CNTNAP2: variants seen among roughly 807,000 people sequenced by gnomAD.
CNTNAP2 encodes the protein contactin-associated protein-like 2.
CNTNAP2 carries 98 observed loss-of-function variants against 155.2 expected under a neutral mutation model. That is an observed-to-expected ratio of 0.63 (90% CI 0.54 to 0.75). The LOEUF is 0.75. Ranked by LOEUF, CNTNAP2 falls within the 30% of genes least tolerant of loss-of-function variation. The pLI is 0.00. For missense variants in CNTNAP2, 1,727 were observed against 1,688.1 expected, an observed-to-expected ratio of 1.02 and a Z score of -0.40; for synonymous variants, 651 against 631.2, an observed-to-expected ratio of 1.03 and a Z score of -0.47.
intron 12 of CNTNAP2, among the ~76,000 whole-genome samples, chr7:147,625,436 G>A (rs996672613): frequency 6.6e-6 from 1 of 152,170 alleles, no homozygotes; most frequent in East Asian, 1.9e-4. Flanking sequence ...TTCCAAAGGA[G>A]TTATTGCAAT....
In CNTNAP2 at chr7:146,714,107, T is replaced by C. The variant is rs139634107; in HGVS notation, c.98-60164T>C. ...TCTCTGCCTGACTCACCCTTTAAGA[T>C]ACATCTCATATAGAAACTCCACATG... On this transcript the variant is annotated intron_variant, in intron 1 of 23. Transcript: ENST00000361727. Among the ~76,000 whole-genome samples the C allele has an allele frequency of 1.2e-3, 179 of 152,242 alleles. 1 individual carries two copies. Among genetic ancestry groups the C allele is most frequent in the African/African-American group, 4.0e-3 (167 of 41,548 alleles).
At chr7:148,109,543 C>G (rs1377726927) in intron 15 of CNTNAP2, among the ~76,000 whole-genome samples, 1 of 152,132 alleles carries the variant, frequency 6.6e-6, no homozygotes, top group South Asian at 2.1e-4. Context: ...CACCATCATG[C>G]CTGGCTAACT....
intron 1 of CNTNAP2, among the ~76,000 whole-genome samples, chr7:146,412,059 T>C (rs1016678829): frequency 2.0e-5 from 3 of 152,060 alleles, no homozygotes; most frequent in African/African-American, 4.8e-5. Flanking sequence ...TCTTGATCTC[T>C]TGACCTCCAG....
chr7:146,425,584 C>G (rs796586936), intron 1 of CNTNAP2, among the ~76,000 whole-genome samples: 24 of 152,224 alleles, frequency 1.6e-4, no homozygotes, highest in African/African-American at 5.5e-4. Flanking sequence ...ACTTTGCTTT[C>G]CTAAGCTAAG....
At chr7:146,933,032 A>C (rs1036221004) in intron 3 of CNTNAP2, among the ~76,000 whole-genome samples, 3 of 152,170 alleles carry the variant, frequency 2.0e-5, no homozygotes, top group African/African-American at 7.2e-5. Flanking sequence ...TTATAGATTC[A>C]ATGCCATCCC....
chr7:147,274,153 A>G (rs1302755532), intron 8 of CNTNAP2, among the ~76,000 whole-genome samples: 1 of 152,020 alleles, frequency 6.6e-6, no homozygotes, highest in Non-Finnish European at 1.5e-5. Context: ...TGTGATCAAC[A>G]TATGAGTGTT....
At chr7:146,972,557 TAAAC>T (rs1165894047) in intron 3 of CNTNAP2, among the ~76,000 whole-genome samples, 3 of 152,130 alleles carry the variant, frequency 2.0e-5, no homozygotes, top group Non-Finnish European at 4.4e-5. Context: ...TAATTTAAAA[TAAAC>T]AATAATGATG....
intron 4 of CNTNAP2, among the ~76,000 whole-genome samples, chr7:147,067,336 CT>C (rs1269322322): frequency 6.6e-6 from 1 of 151,156 alleles, no homozygotes; most frequent in Non-Finnish European, 1.5e-5. Flanking sequence ...TTCATAAGGC[CT>C]CCACCCTCAT....
intron 12 of CNTNAP2, among the ~76,000 whole-genome samples, chr7:147,597,216 A>G (rs1800841142): frequency 6.6e-6 from 1 of 152,112 alleles, no homozygotes; most frequent in Non-Finnish European, 1.5e-5. Flanking sequence ...GAGATCCAAG[A>G]ATCCTCTCTT....
chr7:148,267,841 A>G (rs1286430393), intron 21 of CNTNAP2, among the ~76,000 whole-genome samples: 1 of 152,146 alleles, frequency 6.6e-6, no homozygotes, highest in Non-Finnish European at 1.5e-5. Flanking sequence ...ACCTCTACCT[A>G]CTAGCAATAT....
At chr7:146,468,771 G>C (rs1341631816) in intron 1 of CNTNAP2, among the ~76,000 whole-genome samples, 1 of 152,070 alleles carries the variant, frequency 6.6e-6, no homozygotes, top group Admixed American at 6.5e-5. Context: ...TCCTCAGTAA[G>C]AATAAATAGT....
chr7:147,632,897 A>T (rs1795111343), intron 12 of CNTNAP2, among the ~76,000 whole-genome samples: 1 of 152,224 alleles, frequency 6.6e-6, no homozygotes, highest in Non-Finnish European at 1.5e-5. Context: ...CTGGAGTAAA[A>T]GTGACTCTTG....
At chr7:148,331,742 T>TGGAGTGGATGGATGGAATGGAC (rs1798025647) in intron 21 of CNTNAP2, among the ~76,000 whole-genome samples, 1 of 4,032 alleles carries the variant, frequency 2.5e-4, no homozygotes, top group Non-Finnish European at 7.5e-4. Flanking sequence ...ATGGAGTGGA[T>TGGAGTGGATGGATGGAATGGAC]GGATGGAACG....
intron 1 of CNTNAP2, among the ~76,000 whole-genome samples, chr7:146,477,109 A>G (rs1189565315): frequency 2.0e-5 from 3 of 152,184 alleles, no homozygotes; most frequent in Non-Finnish European, 2.9e-5. Flanking sequence ...AAAGTTTTCA[A>G]TTAGTTAATA....
intron 3 of CNTNAP2, among the ~76,000 whole-genome samples, chr7:147,002,761 A>C (rs1798447864): frequency 6.6e-6 from 1 of 151,802 alleles, no homozygotes; most frequent in Non-Finnish European, 1.5e-5. Flanking sequence ...ATGTGGAAGA[A>C]TCTAACTTGC....
chr7:147,479,516 TTTC>T (rs1798384411), intron 10 of CNTNAP2, among the ~76,000 whole-genome samples: 1 of 152,194 alleles, frequency 6.6e-6, no homozygotes, highest in Non-Finnish European at 1.5e-5. Context: ...TGCAGGTTCT[TTTC>T]CTGTGGGCCA....
At chr7:146,182,238 C>A (rs1307712121) in intron 1 of CNTNAP2, among the ~76,000 whole-genome samples, 1 of 152,034 alleles carries the variant, frequency 6.6e-6, no homozygotes. Flanking sequence ...ACAAGAGAAT[C>A]TTTTTGTTTG....
intron 1 of CNTNAP2, among the ~76,000 whole-genome samples, chr7:146,637,322 AC>A (rs1273213907): frequency 6.6e-6 from 1 of 152,224 alleles, no homozygotes; most frequent in Non-Finnish European, 1.5e-5. Context: ...TTTTAATTAA[AC>A]AAAGGAAGTC....
chr7:147,815,422 A>G (rs933671553), intron 13 of CNTNAP2, among the ~76,000 whole-genome samples: 2 of 151,716 alleles, frequency 1.3e-5, no homozygotes, highest in Non-Finnish European at 2.9e-5. Flanking sequence ...GCTGGCTGTC[A>G]ACAGGGAACC....
Sources: allele counts gnomAD v4.1 joint callset (sites outside exome capture counted in the v4.1 genomes callset), GRCh38; gene constraint gnomAD v4.1.1; transcripts MANE v1.5; gene names NCBI Gene and HGNC (gene_info 2026-07-23, HGNC 2026-07-21).